FIGNL2: variants seen among roughly 807,000 people sequenced by gnomAD.
FIGNL2 encodes fidgetin like 2.
For missense variants in FIGNL2, 1,060 were observed against 950.2 expected, an observed-to-expected ratio of 1.12 and a Z score of -1.52; for synonymous variants, 565 against 484.0, an observed-to-expected ratio of 1.17 and a Z score of -2.20.
At chr12:51,841,325 C>A (rs949923289) in intron 1 of FIGNL2, 1 of 152,262 alleles carries the variant, frequency 6.6e-6, no homozygotes, top group Non-Finnish European at 1.5e-5. Flanking sequence ...CAAGCCAAGT[C>A]CGGCCCTGAG....
chr12:51,847,262 C>T lies in FIGNL2; in HGVS notation c.-12+1278G>A, dbSNP rs527704717. ...TCTGCAGGGTCAGAGGGTTTCGCACCGTGGCATCTGCGGGCCCAGCCCACT... is the reference window on the plus strand; with the variant it reads ...TCTGCAGGGTCAGAGGGTTTCGCACTGTGGCATCTGCGGGCCCAGCCCACT... On this transcript the variant is annotated intron_variant, in intron 1 of 1. Coordinates refer to ENST00000618634, the MANE Select transcript of FIGNL2 (RefSeq NM_001384995.1). The T allele has an allele frequency of 1.4e-5, 14 of 985,386 alleles. No individual in the cohort carries two copies. The East Asian group carries it at 5.7e-4, about 40-fold the overall frequency. The allele number at this position is 985,386 out of a possible 1,614,324, so 61.0% of individuals were successfully genotyped here.
Position 51,822,216 on chromosome 12 carries a change from C to T in FIGNL2, c.198G>A (p.Lys66=), listed in dbSNP as rs545815495. 1.2e-6 allele frequency: 2 copies of T among 1,611,864 alleles called. No individual in the cohort carries two copies. The highest frequency in any genetic ancestry group is 1.7e-5 in the Admixed American group (1 of 59,652). The change falls in exon 2 of 2, where the codon AAG becomes AAA. Residue 66 remains lysine, a synonymous_variant. Transcript: ENST00000618634. ...AGGGAGAATCCAAGACCCCAGAGTA[C>T]TTCTCTGCATAGCGCTTTAGGAGGT... ...ASNLLKRYAE[K]YSGVLDSPYE...
intron 1 of FIGNL2, among the ~76,000 whole-genome samples, chr12:51,841,056 C>T (rs1041818558): frequency 6.6e-6 from 1 of 152,238 alleles, no homozygotes; most frequent in Non-Finnish European, 1.5e-5. Flanking sequence ...GCAGCCCACC[C>T]AGGAGTCCCC....
chr12:51,839,103 C>G (rs1023429342), intron 1 of FIGNL2, among the ~76,000 whole-genome samples: 3 of 146,006 alleles, frequency 2.1e-5, no homozygotes, highest in Admixed American at 1.4e-4. Flanking sequence ...AACTGCCAGG[C>G]AAGTCTCATA....
rs756489709 is a variant in FIGNL2, at chr12:51,822,022, C to A, written c.392G>T (p.Gly131Val). ...GGGGGSGALG[G>V]SPVLAGNLPE... ...GAGGTTCCCGGCTAAAACTGGGGAG[C>A]CCCCCAGGGCCCCGGAACCGCCGCC... Residue 131 changes from glycine to valine, a missense_variant, in exon 2 of 2, where the codon GGC (glycine) becomes GTC (valine). Gly to Val is a moderately radical substitution (Grantham distance 109). Transcript: ENST00000618634. 4.4e-6 allele frequency: 7 copies of A among 1,601,002 alleles called. No homozygotes were observed. The highest frequency in any genetic ancestry group is 1.3e-5 in the African/African-American group (1 of 74,664).
At position 51,820,421 on chromosome 12, in the gene FIGNL2, C is replaced by T. The variant is rs1412347475; in HGVS notation, c.*31G>A. On this transcript the variant is annotated 3_prime_UTR_variant, in exon 2 of 2. Transcript: ENST00000618634. ...CGCGGAGGCGGCGGGGACGGAGGGA[C>T]TGCGGCTCCCGCGGCCTCCCCCGCG... 1.3e-6 allele frequency: 2 copies of T among 1,569,038 alleles called. No individual in the cohort carries two copies. Among genetic ancestry groups the T allele is most frequent in the East Asian group, 2.3e-5 (1 of 43,268 alleles).
chr12:51,838,007 G>A (rs1248720665), intron 1 of FIGNL2: 1 of 152,290 alleles, frequency 6.6e-6, no homozygotes, highest in African/African-American at 2.4e-5. Flanking sequence ...AGGAGGATTA[G>A]CAAGGCTGAT....
At chr12:51,847,423 G>T in intron 1 of FIGNL2, 1 of 985,462 alleles carries the variant, frequency 1.0e-6, no homozygotes, top group Non-Finnish European at 1.2e-6. Flanking sequence ...AGACCGCTCC[G>T]CCGCCACAGC....
In FIGNL2 at chr12:51,820,670, C is replaced by T; in HGVS notation, c.1744G>A (p.Glu582Lys). Residue 582 changes from glutamate (E) to lysine (K), a missense_variant, in exon 2 of 2, where the codon GAA (glutamate) becomes AAA (lysine). By Grantham distance (56) the Glu-to-Lys change is moderately conservative. Transcript: ENST00000618634. ...AQQGCALSERELAALVQGTQG... is the reference protein window; with the variant it reads ...AQQGCALSERKLAALVQGTQG... ...GTGCCCTGCACCAGCGCCGCCAGTTCCCGCTCACTGAGCGCGCAGCCCTGC... is the reference window on the plus strand; with the variant it reads ...GTGCCCTGCACCAGCGCCGCCAGTTTCCGCTCACTGAGCGCGCAGCCCTGC... The T allele has an allele frequency of 6.6e-7, 1 of 1,513,812 alleles. No homozygotes were observed. Among genetic ancestry groups the T allele is most frequent in the Non-Finnish European group, 8.8e-7 (1 of 1,138,634 alleles). 93.8% of individuals were successfully genotyped at this position (1,513,812 alleles called of 1,614,324 possible). A position where few individuals can be genotyped will look rare whatever the true frequency, so the allele number is the denominator to read the frequency against.
chr12:51,834,638 G>C (rs1939550422), intron 1 of FIGNL2, among the ~76,000 whole-genome samples: 1 of 152,340 alleles, frequency 6.6e-6, no homozygotes, highest in Non-Finnish European at 1.5e-5. Flanking sequence ...GTCGGCCTGG[G>C]AGAAGCTGGC....
chr12:51,827,562 T>C (rs1367874684), intron 1 of FIGNL2, among the ~76,000 whole-genome samples: 1 of 152,142 alleles, frequency 6.6e-6, no homozygotes, highest in East Asian at 1.9e-4. Context: ...ACGTATGTCA[T>C]GTTGAGTGGC....
intron 1 of FIGNL2, among the ~76,000 whole-genome samples, chr12:51,839,884 C>T (rs1215825561): frequency 6.6e-6 from 1 of 152,210 alleles, no homozygotes; most frequent in Non-Finnish European, 1.5e-5. Context: ...CCCAAAGTCC[C>T]CTCCCTCAGA....
At chr12:51,826,791 C>T (rs922658774) in intron 1 of FIGNL2, among the ~76,000 whole-genome samples, 7 of 152,162 alleles carry the variant, frequency 4.6e-5, no homozygotes, top group Admixed American at 2.6e-4. Flanking sequence ...AACCTAAGGG[C>T]GGGAAGAGGG....
rs773423756 is a variant in FIGNL2, at chr12:51,820,445, C to T, written c.*7G>A. On this transcript the variant is annotated 3_prime_UTR_variant, in exon 2 of 2. Transcript: ENST00000618634. The stretch of plus-strand genomic sequence containing the variant: ...ACTGCGGCTCCCGCGGCCTCCCCCG[C>T]GCGCCGTCAGTGTCCGGAGCCGTAC... 2.5e-6 allele frequency: 4 copies of T among 1,584,580 alleles called. No individual in the cohort carries two copies. In the South Asian group the frequency reaches 3.4e-5, roughly 13 times the overall value.
At chr12:51,841,003 C>A (rs1939651511) in intron 1 of FIGNL2, among the ~76,000 whole-genome samples, 1 of 152,242 alleles carries the variant, frequency 6.6e-6, no homozygotes, top group African/African-American at 2.4e-5. Context: ...GAGACATGCC[C>A]CCACAGGGCC....
At chr12:51,822,901 G>A (rs1430647792) in intron 1 of FIGNL2, among the ~76,000 whole-genome samples, 10 of 152,340 alleles carry the variant, frequency 6.6e-5, no homozygotes, top group Non-Finnish European at 1.5e-4. Flanking sequence ...AGAGTTGTAT[G>A]AGGCCTGCCC....
chr12:51,822,264 G>A lies in FIGNL2; in HGVS notation c.150C>T (p.Asp50=), dbSNP rs146864354. The change falls in exon 2 of 2, where the codon GAC becomes GAT. Residue 50 remains aspartate, a synonymous_variant. Transcript: ENST00000618634. ...GGTTGGAGGCAGTGAGGGCTGAGAT[G>A]TCGTCGTGTGCCCAAGCGTAGTGGC... is the stretch of plus-strand genomic sequence containing the variant. ...QRCHYAWAHD[D]ISALTASNLL... is the part of the protein sequence containing the mutation. 320 of 1,611,494 alleles carry A rather than the reference G, an allele frequency of 2.0e-4. No homozygotes were observed. The African/African-American group carries it at 2.8e-3, about 14-fold the overall frequency.
Position 51,820,908 on chromosome 12 carries a change from G to A in FIGNL2, c.1506C>T (p.Asp502=). ...ELEALLPARD[D]GAAAGGALQV... is the part of the protein sequence containing the mutation. ...GCAGCGCGCCCCCTGCCGCCGCGCC[G>A]TCGTCCCGGGCGGGGAGCAGCGCCT... Residue 502 remains aspartate, a synonymous_variant, in exon 2 of 2, where the codon GAC becomes GAT. Coordinates refer to ENST00000618634, the MANE Select transcript of FIGNL2 (RefSeq NM_001384995.1). 3 of 1,333,222 alleles carry A rather than the reference G, an allele frequency of 2.3e-6. No homozygotes were observed. Among genetic ancestry groups the A allele is most frequent in the Non-Finnish European group, 2.9e-6 (3 of 1,049,996 alleles). The allele number at this position is 1,333,222 out of a possible 1,614,324, so 82.6% of individuals were successfully genotyped here.
rs1279826960 is a variant in FIGNL2 at position 51,830,493 on chromosome 12, G to GTT, written c.-11-8071_-11-8070dup. 2.2e-3 allele frequency among the ~76,000 whole-genome samples: 183 copies of GTT among 83,106 alleles called. 2 individuals are homozygous for GTT. The highest frequency in any genetic ancestry group is 3.0e-3 in the South Asian group (9 of 3,036). The allele number at this position is 83,106 out of a possible 152,430, so 54.5% of individuals were successfully genotyped here. A position where few individuals can be genotyped will look rare whatever the true frequency, so the allele number is the denominator to read the frequency against. ...AATTTTAAAATCAAAATATTGAGTT[G>GTT]TTTTTTTTTTTTTTTTGAGATGGAG... On this transcript the variant is annotated intron_variant, in intron 1 of 1. Transcript: ENST00000618634.
Sources: allele counts gnomAD v4.1 joint callset (sites outside exome capture counted in the v4.1 genomes callset), GRCh38; gene constraint gnomAD v4.1.1; transcripts MANE v1.5; gene names NCBI Gene and HGNC (gene_info 2026-07-23, HGNC 2026-07-21).